Variants in MARCHF1 observed in about 807,000 individuals in gnomAD.
MARCHF1 encodes the protein membrane associated ring-CH-type finger 1.
A neutral mutation model predicts 54.2 loss-of-function variants in MARCHF1; 40 were observed. The ratio of observed to expected loss-of-function variants is 0.74; its 90% CI spans 0.57 to 0.96. The LOEUF (loss-of-function observed/expected upper bound fraction) is 0.96. MARCHF1 is among the 40% of genes least tolerant of loss of function. The pLI, the probability that MARCHF1 is intolerant of heterozygous loss-of-function variation, is 0.00. For synonymous variants in MARCHF1, 236 were observed against 236.3 expected, an observed-to-expected ratio of 1.00 and a Z score of 0.01; for missense variants, 586 against 656.5, an observed-to-expected ratio of 0.89 and a Z score of 1.17.
chr4:163,702,714 T>TG (rs1473097977), intron 4 of MARCHF1, among the ~76,000 whole-genome samples: 7 of 152,164 alleles, frequency 4.6e-5, no homozygotes, highest in Admixed American at 4.6e-4. Flanking sequence ...GCCAATCTAA[T>TG]GGGGGAAAAG....
At chr4:163,717,731 A>G (rs1270621653) in intron 4 of MARCHF1, among the ~76,000 whole-genome samples, 5 of 152,036 alleles carry the variant, frequency 3.3e-5, no homozygotes, top group African/African-American at 9.7e-5. Flanking sequence ...TTTGATTTAC[A>G]TTTCTCTGAT....
At chr4:163,627,222 A>T (rs1741903141) in intron 5 of MARCHF1, among the ~76,000 whole-genome samples, 1 of 152,158 alleles carries the variant, frequency 6.6e-6, no homozygotes, top group Admixed American at 6.5e-5. Flanking sequence ...ATCATCTGAG[A>T]ACATCTCTTG....
At chr4:164,097,428 A>G (rs969685727) in intron 2 of MARCHF1, among the ~76,000 whole-genome samples, 1 of 152,146 alleles carries the variant, frequency 6.6e-6, no homozygotes, top group African/African-American at 2.4e-5. Context: ...ATTATTTCAT[A>G]CCATATTTTG....
intron 2 of MARCHF1, among the ~76,000 whole-genome samples, chr4:164,036,449 A>ATTGGAATTACC (rs1400961206): frequency 2.0e-5 from 3 of 152,322 alleles, no homozygotes; most frequent in Admixed American, 2.0e-4. Flanking sequence ...CCTTCTAGTG[A>ATTGGAATTACC]TTCCAATGCT....
intron 4 of MARCHF1, among the ~76,000 whole-genome samples, chr4:163,747,766 T>G (rs1746403893): frequency 1.3e-5 from 2 of 152,196 alleles, no homozygotes; most frequent in South Asian, 4.1e-4. Flanking sequence ...TGAAAGAATT[T>G]ACAAAGAATA....
chr4:163,784,327 T>C (rs1297484873), intron 4 of MARCHF1, among the ~76,000 whole-genome samples: 1 of 152,128 alleles, frequency 6.6e-6, no homozygotes, highest in African/African-American at 2.4e-5. Flanking sequence ...GGGGGTTCCA[T>C]GGGCCAGGGC....
chr4:163,848,226 C>A (rs1215086530), intron 4 of MARCHF1, among the ~76,000 whole-genome samples: 1 of 152,032 alleles, frequency 6.6e-6, no homozygotes, highest in African/African-American at 2.4e-5. Context: ...TAATTTTTTT[C>A]TAGAGCAACA....
At chr4:163,822,700 C>T (rs111308704) in intron 4 of MARCHF1, among the ~76,000 whole-genome samples, 2,274 of 151,928 alleles carry the variant, frequency 0.015, 49 homozygotes, top group African/African-American at 0.048. Context: ...GGGATATCCA[C>T]CACCTTATTT....
Position 163,596,537 on chromosome 4 carries a change from C to CAAA in MARCHF1, c.1011-10611_1011-10609dup, listed in dbSNP as rs142539749. 4.3e-4 allele frequency among the ~76,000 whole-genome samples: 32 copies of CAAA among 73,770 alleles called. 1 individual carries two copies. Among genetic ancestry groups the CAAA allele is most frequent in the African/African-American group, 5.4e-4 (10 of 18,650 alleles). The allele number at this position is 73,770 out of a possible 152,430, so 48.4% of individuals were successfully genotyped here. ...CCTGGGCGACAGTGTGAGGCTGTCT[C>CAAA]AAAAAAAAAAAAAAAAAAAAAAAAA... On this transcript the variant is annotated intron_variant, in intron 7 of 9. Coordinates refer to ENST00000514618, the MANE Select transcript of MARCHF1 (RefSeq NM_001394959.1).
At chr4:164,113,370 C>A (rs766707364) in intron 1 of MARCHF1, among the ~76,000 whole-genome samples, 1 of 151,922 alleles carries the variant, frequency 6.6e-6, no homozygotes, top group African/African-American at 2.4e-5. Flanking sequence ...TAGTTTGATG[C>A]TTTCTCTCTA....
intron 5 of MARCHF1, among the ~76,000 whole-genome samples, chr4:163,674,445 C>T (rs1743841723): frequency 1.3e-5 from 2 of 152,146 alleles, no homozygotes; most frequent in African/African-American, 2.4e-5. Flanking sequence ...TTCTAAATCG[C>T]CTGGGCCATT....
At chr4:164,377,591 G>GCACACACACACACACACACACACACATA (rs56204290) in intron 1 of MARCHF1, among the ~76,000 whole-genome samples, 1 of 149,416 alleles carries the variant, frequency 6.7e-6, no homozygotes, top group Non-Finnish European at 1.5e-5. Flanking sequence ...TACTTTTTAT[G>GCACACACACACACACACACACACACATA]CACACACACA....
intron 4 of MARCHF1, among the ~76,000 whole-genome samples, chr4:163,809,784 A>G (rs1748332564): frequency 6.6e-6 from 1 of 152,186 alleles, no homozygotes. Context: ...TAGTCACACT[A>G]AAGATATTTT....
At chr4:163,782,904 T>C (rs1747510525) in intron 4 of MARCHF1, among the ~76,000 whole-genome samples, 3 of 152,028 alleles carry the variant, frequency 2.0e-5, no homozygotes, top group Non-Finnish European at 4.4e-5. Context: ...GGAAATGAGG[T>C]GCAGAGTAGA....
At chr4:163,828,448 A>C (rs1748917976) in intron 4 of MARCHF1, among the ~76,000 whole-genome samples, 1 of 152,158 alleles carries the variant, frequency 6.6e-6, no homozygotes, top group African/African-American at 2.4e-5. Context: ...ACTTCTAAAT[A>C]ATGTAGCTGA....
intron 1 of MARCHF1, among the ~76,000 whole-genome samples, chr4:164,353,886 A>C (rs1174980861): frequency 7.4e-6 from 1 of 135,040 alleles, no homozygotes; most frequent in Non-Finnish European, 1.6e-5. Flanking sequence ...AAAGAAAAAA[A>C]GAGAGAAGAA....
intron 1 of MARCHF1, among the ~76,000 whole-genome samples, chr4:164,295,254 C>T (rs1734380404): frequency 6.6e-6 from 1 of 152,136 alleles, no homozygotes; most frequent in Non-Finnish European, 1.5e-5. Flanking sequence ...TAATGTTTTT[C>T]TCCTGGCACA....
At chr4:164,001,268 G>T (rs569557857) in intron 2 of MARCHF1, among the ~76,000 whole-genome samples, 1 of 151,668 alleles carries the variant, frequency 6.6e-6, no homozygotes, top group South Asian at 2.1e-4. Flanking sequence ...TAATTTAAAA[G>T]CATGTGGTTA....
intron 1 of MARCHF1, among the ~76,000 whole-genome samples, chr4:164,270,244 C>A (rs1733709220): frequency 6.6e-6 from 1 of 152,278 alleles, no homozygotes; most frequent in Non-Finnish European, 1.5e-5. Context: ...TGCCTGGAAC[C>A]TTTTCTCCCA....
Sources: gnomAD v4.1 joint callset for allele counts (sites outside exome capture counted in the v4.1 genomes callset) on GRCh38, gnomAD v4.1.1 for gene constraint, MANE v1.5 for transcripts, NCBI Gene and HGNC (gene_info 2026-07-23, HGNC 2026-07-21) for gene names.